The following ZNF704 variants were observed in gnomAD, a reference collection of about 807,000 sequenced individuals.
ZNF704 encodes the protein glucocorticoid induced gene 1.
A neutral mutation model predicts 44.7 loss-of-function variants in ZNF704; 10 were observed. The observed-to-expected ratio is 0.22, with a 90% CI of 0.14 to 0.38. The LOEUF (loss-of-function observed/expected upper bound fraction) is 0.38. Among genes scored for constraint, ZNF704 ranks in the 10% least tolerant of loss-of-function variants. ZNF704 has a pLI of 1.00. For missense variants in ZNF704, 390 were observed against 545.5 expected, an observed-to-expected ratio of 0.71 and a Z score of 2.84; for synonymous variants, 211 against 207.6, an observed-to-expected ratio of 1.02 and a Z score of -0.14.
the ZNF704 span, among the ~76,000 whole-genome samples, chr8:80,880,347 T>C: frequency 6.6e-6 from 1 of 152,172 alleles, no homozygotes; most frequent in Non-Finnish European, 1.5e-5. Context: ...AGAAAAAGAA[T>C]GATTACTGTA....
chr8:80,868,075 T>C (rs1048501187), intron 1 of ZNF704, among the ~76,000 whole-genome samples: 1 of 152,238 alleles, frequency 6.6e-6, no homozygotes, highest in African/African-American at 2.4e-5. Context: ...TCGCTACTGT[T>C]TTCCCTTCAC....
At chr8:80,763,678 C>T (rs948984898) in intron 2 of ZNF704, among the ~76,000 whole-genome samples, 3 of 152,194 alleles carry the variant, frequency 2.0e-5, no homozygotes, top group African/African-American at 7.2e-5. Flanking sequence ...TAACATTCGG[C>T]TCCTCATTAC....
chr8:80,716,002 C>T (rs1819066666), intron 2 of ZNF704, among the ~76,000 whole-genome samples: 1 of 151,896 alleles, frequency 6.6e-6, no homozygotes, highest in Non-Finnish European at 1.5e-5. Flanking sequence ...ATCACTTGAA[C>T]CTGGGAGGCA....
At chr8:80,740,536 C>T (rs1275045004) in intron 2 of ZNF704, among the ~76,000 whole-genome samples, 1 of 152,164 alleles carries the variant, frequency 6.6e-6, no homozygotes, top group Non-Finnish European at 1.5e-5. Context: ...TTTAGGAGTA[C>T]AGAAACCCAA....
At chr8:80,688,291 A>T (rs1233056715) in intron 3 of ZNF704, among the ~76,000 whole-genome samples, 1 of 152,198 alleles carries the variant, frequency 6.6e-6, no homozygotes, top group Non-Finnish European at 1.5e-5. Context: ...AACACTTAAG[A>T]ATCTAAGAGA....
intron 6 of ZNF704, among the ~76,000 whole-genome samples, chr8:80,662,589 G>A (rs1335829836): frequency 6.6e-6 from 1 of 152,072 alleles, no homozygotes; most frequent in Non-Finnish European, 1.5e-5. Context: ...AATTACTCTT[G>A]AGTTTAAGTC....
At chr8:80,867,309 T>C (rs1346956747) in intron 1 of ZNF704, among the ~76,000 whole-genome samples, 1 of 152,200 alleles carries the variant, frequency 6.6e-6, no homozygotes, top group Non-Finnish European at 1.5e-5. Flanking sequence ...ATTCCAAAAA[T>C]AGAAGTTGAT....
chr8:80,690,435 A>T (rs1818612697), intron 3 of ZNF704, among the ~76,000 whole-genome samples: 2 of 152,098 alleles, frequency 1.3e-5, no homozygotes, highest in South Asian at 4.1e-4. Context: ...GGGTTTTAAA[A>T]TTTTTTATTT....
Position 80,630,109 on chromosome 8 carries a change from A to C in ZNF704, c.*11257T>G, listed in dbSNP as rs1817559821. On this transcript the variant is annotated 3_prime_UTR_variant, in exon 9 of 9. Coordinates refer to ENST00000327835, the MANE Select transcript of ZNF704 (RefSeq NM_001033723.3). Reference sequence around the variant, plus strand: ...TCCAAGTTTATTTTGAATAATTTGCAGTTGTGGTAGGTAGCTATGAAAAAA... The same window carrying C: ...TCCAAGTTTATTTTGAATAATTTGCCGTTGTGGTAGGTAGCTATGAAAAAA... 1 of 152,212 alleles carries C rather than the reference A, an allele frequency of 6.6e-6. No homozygotes were observed. Among genetic ancestry groups the C allele is most frequent in the Non-Finnish European group, 1.5e-5 (1 of 68,028 alleles). The allele number at this position is 152,212 out of a possible 1,614,324, so 9.4% of individuals were successfully genotyped here.
At chr8:80,813,122 T>C (rs542921960) in intron 2 of ZNF704, among the ~76,000 whole-genome samples, 95 of 152,326 alleles carry the variant, frequency 6.2e-4, no homozygotes, top group Non-Finnish European at 1.1e-3. Context: ...ACAAAGCCAA[T>C]GGTCCACCTT....
At chr8:80,781,717 C>T (rs1414878509) in intron 2 of ZNF704, among the ~76,000 whole-genome samples, 1 of 152,178 alleles carries the variant, frequency 6.6e-6, no homozygotes, top group East Asian at 1.9e-4. Flanking sequence ...AATGTGCCAC[C>T]ACATTTACAG....
intron 4 of ZNF704, among the ~76,000 whole-genome samples, chr8:80,679,747 C>T (rs982979110): frequency 9.9e-5 from 15 of 152,232 alleles, no homozygotes; most frequent in Non-Finnish European, 1.6e-4. Context: ...GCAGCTTCCA[C>T]GTGTACTTTA....
At chr8:80,670,421 A>G in intron 5 of ZNF704, 82 bp downstream of exon 5, 3 of 989,098 alleles carry the variant, frequency 3.0e-6, no homozygotes, top group Non-Finnish European at 4.8e-6. Context: ...TTTAAGGCAC[A>G]GTGTGGTGTG....
At chr8:80,837,178 G>A (rs780954288) in intron 1 of ZNF704, among the ~76,000 whole-genome samples, 2 of 152,126 alleles carry the variant, frequency 1.3e-5, no homozygotes, top group Admixed American at 6.5e-5. Flanking sequence ...CTAAGCTACT[G>A]AGAAGGAAAT....
chr8:80,662,077 G>C (rs1402010282), intron 6 of ZNF704, among the ~76,000 whole-genome samples: 1 of 152,022 alleles, frequency 6.6e-6, no homozygotes, highest in Admixed American at 6.6e-5. Context: ...ATAAATATTA[G>C]GCATCAATTT....
chr8:80,643,131 TG>T lies in ZNF704; in HGVS notation c.1033-3del. 1 of 1,598,138 alleles carries T rather than the reference TG, an allele frequency of 6.3e-7. No homozygotes were observed. The highest frequency in any genetic ancestry group is 1.3e-5 in the African/African-American group (1 of 74,384). On this transcript the variant is annotated splice_polypyrimidine_tract_variant and splice_region_variant and intron_variant, in intron 7 of 8. Coordinates refer to ENST00000327835, the MANE Select transcript of ZNF704 (RefSeq NM_001033723.3). ...CACCGGATGATGTGTGGGTGACACC[TG>T]GTGAATACATGGAAAAGAAAGTTGA...
intron 1 of ZNF704, among the ~76,000 whole-genome samples, chr8:80,851,025 ACTAGAAGGTAGG>A (rs1311033996): frequency 6.6e-6 from 1 of 152,190 alleles, no homozygotes; most frequent in East Asian, 1.9e-4. Context: ...CTCACACAAG[ACTAGAAGGTAGG>A]GCTTACTACA....
chr8:80,674,638 C>T (rs116392586), intron 4 of ZNF704, among the ~76,000 whole-genome samples: 1 of 152,132 alleles, frequency 6.6e-6, no homozygotes, highest in East Asian at 1.9e-4. Context: ...GAGAATGGCA[C>T]CACGCCATTC....
chr8:80,702,922 C>A (rs1471451982), intron 2 of ZNF704, among the ~76,000 whole-genome samples: 1 of 151,982 alleles, frequency 6.6e-6, no homozygotes, highest in Non-Finnish European at 1.5e-5. Flanking sequence ...CCATAAAGGG[C>A]AAATGAGCAG....
Sources: gnomAD v4.1 joint callset for allele counts (sites outside exome capture counted in the v4.1 genomes callset) on GRCh38, gnomAD v4.1.1 for gene constraint, MANE v1.5 for transcripts, NCBI Gene and HGNC (gene_info 2026-07-23, HGNC 2026-07-21) for gene names.